ATXN10: variants seen among roughly 807,000 people sequenced by gnomAD.
The protein encoded by ATXN10 is ataxin-10.
In ATXN10, 28 loss-of-function variants were observed where a neutral mutation model predicts 52.9. The observed-to-expected ratio is 0.53, with a 90% CI of 0.39 to 0.73. The LOEUF is 0.73. ATXN10 is among the 30% of genes least tolerant of loss of function. ATXN10 has a pLI of 0.00. For missense variants in ATXN10, 565 were observed against 577.0 expected (o/e 0.98, Z 0.21); for synonymous variants, 226 against 221.5 (o/e 1.02, Z -0.18).
At position 45,839,889 on chromosome 22, in the gene ATXN10, T is replaced by C. The variant is rs562055639; in HGVS notation, c.1238-3102T>C. On this transcript the variant is annotated intron_variant, in intron 10 of 11. Transcript: ENST00000252934. The stretch of plus-strand genomic sequence containing the variant: ...AACAACAGGAGGCAAAAACACAGCC[T>C]GTGGGTCGCTGCAGTGCCGCCATGG... Among the ~76,000 whole-genome samples, 277 of 152,360 alleles carry C rather than the reference T, an allele frequency of 1.8e-3. 1 individual carries two copies. Among genetic ancestry groups the C allele is most frequent in the Non-Finnish European group, 2.5e-3 (167 of 68,026 alleles).
At chr22:45,771,208 T>C (rs867257795) in intron 9 of ATXN10, among the ~76,000 whole-genome samples, 1 of 152,212 alleles carries the variant, frequency 6.6e-6, no homozygotes, top group Non-Finnish European at 1.5e-5. Flanking sequence ...TGTTCTTTAA[T>C]GGTTAAATGC....
At chr22:45,747,816 C>A (rs1383449381) in intron 9 of ATXN10, among the ~76,000 whole-genome samples, 1 of 152,118 alleles carries the variant, frequency 6.6e-6, no homozygotes, top group East Asian at 1.9e-4. Flanking sequence ...GGAAGTATCT[C>A]ATGTCTGTAA....
intron 6 of ATXN10, 74 bp from the exon 7 acceptor site, chr22:45,729,351 G>C (rs1924995515): frequency 1.4e-6 from 2 of 1,454,514 alleles, no homozygotes; most frequent in African/African-American, 2.8e-5. Context: ...CCTTAAAGTT[G>C]CTTTCCTAGG....
intron 9 of ATXN10, among the ~76,000 whole-genome samples, chr22:45,767,737 T>C (rs538819075): frequency 6.6e-6 from 1 of 152,284 alleles, no homozygotes; most frequent in Admixed American, 6.5e-5. Context: ...GGAAGGAATC[T>C]ATGTATATCT....
intron 6 of ATXN10, among the ~76,000 whole-genome samples, chr22:45,724,191 G>A (rs1924777010): frequency 6.6e-6 from 1 of 152,124 alleles, no homozygotes; most frequent in Non-Finnish European, 1.5e-5. Context: ...CCCAGTAGTG[G>A]GATTGCTGGA....
At chr22:45,830,406 A>G (rs1220198936) in intron 10 of ATXN10, among the ~76,000 whole-genome samples, 1 of 152,254 alleles carries the variant, frequency 6.6e-6, no homozygotes, top group Admixed American at 6.5e-5. Context: ...AGAATCATTC[A>G]ACAGAGTGAA....
At position 45,790,588 on chromosome 22, in the gene ATXN10, T is replaced by TG. The variant is rs1162596698; in HGVS notation, c.1174-16365dup. ...CAGATTTCAGTTAGTCTCTGACAGT[T>TG]GGGGGGCTACACATTTGGGAGCAAT... On this transcript the variant is annotated intron_variant, in intron 9 of 11. Transcript: ENST00000252934. This position sits in a 1 kb window ranked among gnomAD's most constrained non-coding sequence, Gnocchi z 4.7. Among the ~76,000 whole-genome samples, 1 of 152,192 alleles carries TG rather than the reference T, an allele frequency of 6.6e-6. No individual in the cohort carries two copies. Among genetic ancestry groups the TG allele is most frequent in the Admixed American group, 6.6e-5 (1 of 15,266 alleles).
chr22:45,718,916 C>T lies in ATXN10; in HGVS notation c.728+423C>T, dbSNP rs912864397. The stretch of plus-strand genomic sequence containing the variant: ...ATAATTTGGACTAAAATAAAATTGA[C>T]GCCCGTCCACAATGTCACAGTTACT... On this transcript the variant is annotated intron_variant, in intron 6 of 11. Transcript: ENST00000252934. This position sits in a 1 kb window ranked among gnomAD's most constrained non-coding sequence, Gnocchi z 4.4. Among the ~76,000 whole-genome samples the T allele has an allele frequency of 1.1e-4, 16 of 152,100 alleles. No homozygotes were observed. The highest frequency in any genetic ancestry group is 2.6e-4 in the Admixed American group (4 of 15,264).
intron 1 of ATXN10, chr22:45,674,707 T>A (rs1395687844): frequency 1.3e-5 from 2 of 152,236 alleles, no homozygotes; most frequent in African/African-American, 2.4e-5. Flanking sequence ...AAATGAGTCC[T>A]CAGTGTAGCA....
intron 9 of ATXN10, among the ~76,000 whole-genome samples, chr22:45,753,217 T>TG (rs1436102493): frequency 7.9e-6 from 1 of 126,894 alleles, no homozygotes; most frequent in Non-Finnish European, 1.8e-5. Context: ...CTTTTCCCAG[T>TG]GATTTTTTTT....
chr22:45,723,244 A>T (rs886767203), intron 6 of ATXN10, among the ~76,000 whole-genome samples: 1 of 151,874 alleles, frequency 6.6e-6, no homozygotes, highest in African/African-American at 2.4e-5. Context: ...TATAGACATA[A>T]AATTTCAGTA....
At chr22:45,807,213 A>T in intron 10 of ATXN10, 191 bp downstream of exon 10, 2 of 681,016 alleles carry the variant, frequency 2.9e-6, no homozygotes, top group South Asian at 1.6e-5. Context: ...GTAGTATGGT[A>T]AGCTAGTTTT....
chr22:45,685,367 G>C (rs543641497), intron 1 of ATXN10, among the ~76,000 whole-genome samples: 30 of 152,232 alleles, frequency 2.0e-4, no homozygotes, highest in South Asian at 1.7e-3. Context: ...GCATTCCTTT[G>C]TAATAGGAAT....
rs780067797 is a variant in ATXN10 at position 45,700,348 on chromosome 22, T to C, written c.458T>C (p.Val153Ala). 2.5e-6 allele frequency: 4 copies of C among 1,613,992 alleles called. No homozygotes were observed. The highest frequency in any genetic ancestry group is 2.7e-5 in the African/African-American group (2 of 74,936). The change falls in exon 4 of 12, where the codon GTT (valine) becomes GCT (alanine). Residue 153 changes from valine to alanine, a missense_variant. Transcript: ENST00000252934. ...CGGAATGAAGATTCCCAGTCTATTG[T>C]TTGGGTGCATGCTTTCCCAGAACTG... is the stretch of plus-strand genomic sequence containing the variant. ...ASRNEDSQSI[V>A]WVHAFPELFL...
chr22:45,837,784 C>T lies in ATXN10; in HGVS notation c.1238-5207C>T, dbSNP rs928147715. On this transcript the variant is annotated intron_variant, in intron 10 of 11. Coordinates refer to ENST00000252934, the MANE Select transcript of ATXN10 (RefSeq NM_013236.4). The surrounding 1 kb of genome is among the most constrained non-coding windows in gnomAD (Gnocchi z 5.8). The stretch of plus-strand genomic sequence containing the variant: ...TGCCGTAGAACCTTGTTTACGGATA[C>T]GGACATTTGAATTTCAAATTTTCAT... Among the ~76,000 whole-genome samples the T allele has an allele frequency of 2.6e-5, 4 of 152,180 alleles. No individual in the cohort carries two copies. The highest frequency in any genetic ancestry group is 9.7e-5 in the African/African-American group (4 of 41,438).
rs540884968 is a variant in ATXN10 at position 45,677,461 on chromosome 22, G to A, written c.116+5282G>A. The A allele has an allele frequency of 2.4e-4, 36 of 148,632 alleles. No individual in the cohort carries two copies. The highest frequency in any genetic ancestry group is 8.7e-4 in the African/African-American group (35 of 40,378). 9.2% of individuals were successfully genotyped at this position (148,632 alleles called of 1,614,324 possible). ...CTTCAATCTGCTTAGACAAAATGAGGTTTTCGTTGGTGTTTAATTTAAAAA... is the reference window on the plus strand; with the variant it reads ...CTTCAATCTGCTTAGACAAAATGAGATTTTCGTTGGTGTTTAATTTAAAAA... On this transcript the variant is annotated intron_variant, in intron 1 of 11. Coordinates refer to ENST00000252934, the MANE Select transcript of ATXN10 (RefSeq NM_013236.4). This position sits in a 1 kb window ranked among gnomAD's most constrained non-coding sequence, Gnocchi z 4.1.
chr22:45,691,724 T>A (rs1923385888), intron 2 of ATXN10, among the ~76,000 whole-genome samples: 2 of 152,156 alleles, frequency 1.3e-5, no homozygotes, highest in African/African-American at 4.8e-5. Context: ...TGAAACCCTG[T>A]CTCTACTAAA....
At chr22:45,791,408 T>C (rs1398677491) in intron 9 of ATXN10, among the ~76,000 whole-genome samples, 2 of 152,200 alleles carry the variant, frequency 1.3e-5, no homozygotes, top group African/African-American at 2.4e-5. Context: ...ATGTAAACTT[T>C]CCTTTACCTA....
In ATXN10 at chr22:45,790,874, T is replaced by C. The variant is rs1927484737; in HGVS notation, c.1174-16085T>C. On this transcript the variant is annotated intron_variant, in intron 9 of 11. Coordinates refer to ENST00000252934, the MANE Select transcript of ATXN10 (RefSeq NM_013236.4). This position sits in a 1 kb window ranked among gnomAD's most constrained non-coding sequence, Gnocchi z 4.7. ...ATTGTTTATTTTTCAAGACAGAGCC[T>C]CTCTCTCCCTCTCTCTGTCGCCCAA... Among the ~76,000 whole-genome samples the C allele has an allele frequency of 6.6e-6, 1 of 152,182 alleles. No individual in the cohort carries two copies. Among genetic ancestry groups the C allele is most frequent in the East Asian group, 1.9e-4 (1 of 5,202 alleles).
Sources: gnomAD v4.1 joint callset for allele counts (sites outside exome capture counted in the v4.1 genomes callset) on GRCh38, gnomAD v4.1.1 for gene constraint, Gnocchi (gnomAD v3.1) non-coding constraint, MANE v1.5 for transcripts, NCBI Gene and HGNC (gene_info 2026-07-23, HGNC 2026-07-21) for gene names.